PRKAR2A: variants seen among roughly 807,000 people sequenced by gnomAD.
PRKAR2A encodes cAMP-dependent protein kinase type II-alpha regulatory subunit.
A neutral mutation model predicts 51.9 loss-of-function variants in PRKAR2A; 29 were observed. The ratio of observed to expected loss-of-function variants is 0.56; its 90% CI spans 0.42 to 0.76. The LOEUF (loss-of-function observed/expected upper bound fraction) is 0.76. PRKAR2A is among the 30% of genes least tolerant of loss of function. The pLI is 0.00. For missense variants in PRKAR2A, 445 were observed against 512.1 expected (o/e 0.87, Z 1.26); for synonymous variants, 178 against 186.2 (o/e 0.96, Z 0.36).
chr3:48,821,303 C>T (rs1264257305), intron 1 of PRKAR2A, among the ~76,000 whole-genome samples: 1 of 152,176 alleles, frequency 6.6e-6, no homozygotes, highest in Non-Finnish European at 1.5e-5. Context: ...GCTGTAAAGA[C>T]CAGCTTTGCT....
chr3:48,777,134 T>C (rs1325258505), intron 5 of PRKAR2A, among the ~76,000 whole-genome samples: 2 of 152,092 alleles, frequency 1.3e-5, no homozygotes, highest in Non-Finnish European at 2.9e-5. Context: ...AATCCCACCT[T>C]CTAACCACCA....
chr3:48,766,397 A>C (rs1008146074), intron 6 of PRKAR2A, among the ~76,000 whole-genome samples: 1 of 151,428 alleles, frequency 6.6e-6, no homozygotes, highest in African/African-American at 2.4e-5. Context: ...GTGAAACCCC[A>C]TCTCTACAGA....
chr3:48,807,161 G>A (rs2082686823), intron 2 of PRKAR2A, among the ~76,000 whole-genome samples: 1 of 152,094 alleles, frequency 6.6e-6, no homozygotes, highest in African/African-American at 2.4e-5. Context: ...TTAAGATAAT[G>A]GTGGAAAAGA....
At chr3:48,835,533 C>T (rs1285150497) in intron 1 of PRKAR2A, among the ~76,000 whole-genome samples, 2 of 148,626 alleles carry the variant, frequency 1.3e-5, no homozygotes, top group South Asian at 2.2e-4. Context: ...CCCAGCTACT[C>T]GGGAGGCTGG....
chr3:48,804,152 G>A (rs1021173220), intron 2 of PRKAR2A, among the ~76,000 whole-genome samples: 2 of 151,992 alleles, frequency 1.3e-5, no homozygotes, highest in African/African-American at 4.8e-5. Context: ...AGTCGGTTTA[G>A]CAAAGCAAAT....
chr3:48,810,363 T>C (rs906624265), intron 1 of PRKAR2A, among the ~76,000 whole-genome samples: 3 of 152,128 alleles, frequency 2.0e-5, no homozygotes, highest in Admixed American at 6.6e-5. Flanking sequence ...TACTCAAAAA[T>C]ATAAAATAGC....
chr3:48,835,024 T>C (rs2083258092), intron 1 of PRKAR2A, among the ~76,000 whole-genome samples: 1 of 147,458 alleles, frequency 6.8e-6, no homozygotes, highest in African/African-American at 2.5e-5. Flanking sequence ...CAGGCTGGAG[T>C]GCAGTGGCAC....
At chr3:48,844,315 A>G (rs2083425452) in intron 1 of PRKAR2A, among the ~76,000 whole-genome samples, 1 of 151,772 alleles carries the variant, frequency 6.6e-6, no homozygotes, top group Admixed American at 6.6e-5. Context: ...TAGAATGGCA[A>G]TCATTAAAAA....
At chr3:48,751,758 A>G (rs1369876260) in intron 10 of PRKAR2A, 40 bp from the exon 11 acceptor site, 1 of 1,584,440 alleles carries the variant, frequency 6.3e-7, no homozygotes, top group Admixed American at 1.7e-5. Context: ...AATGAATTCA[A>G]GCCATTTCCC....
chr3:48,823,518 T>C (rs2083004676), intron 1 of PRKAR2A, among the ~76,000 whole-genome samples: 3 of 151,734 alleles, frequency 2.0e-5, no homozygotes, highest in South Asian at 2.1e-4. Flanking sequence ...AGAAGAAAAA[T>C]ACAGTTGGAG....
At chr3:48,760,835 C>CAAAAAAAAAA (rs538538946) in intron 8 of PRKAR2A, among the ~76,000 whole-genome samples, 2 of 64,316 alleles carry the variant, frequency 3.1e-5, no homozygotes, top group African/African-American at 6.6e-5. Context: ...AACTCCGTCT[C>CAAAAAAAAAA]AAAAAAAAAA....
intron 5 of PRKAR2A, among the ~76,000 whole-genome samples, chr3:48,773,651 T>C (rs563918561): frequency 6.6e-5 from 10 of 152,100 alleles, no homozygotes; most frequent in East Asian, 3.9e-4. Flanking sequence ...ATTTTCTACA[T>C]AGAGGATCAT....
chr3:48,746,213 C>T (rs2107173080), downstream of PRKAR2A, among the ~76,000 whole-genome samples: 1 of 152,022 alleles, frequency 6.6e-6, no homozygotes, highest in South Asian at 2.1e-4. Context: ...GAGCCAATTC[C>T]TTATAATAAA....
intron 1 of PRKAR2A, among the ~76,000 whole-genome samples, chr3:48,825,095 C>T (rs1409444342): frequency 3.2e-5 from 4 of 126,570 alleles, no homozygotes; most frequent in African/African-American, 1.2e-4. Flanking sequence ...AGTGCAATGG[C>T]GCAATCTCGG....
intron 1 of PRKAR2A, among the ~76,000 whole-genome samples, chr3:48,843,057 G>A (rs1313842464): frequency 6.6e-6 from 1 of 152,112 alleles, no homozygotes; most frequent in African/African-American, 2.4e-5. Context: ...ACTCTTTTTG[G>A]TTGGTAAGCT....
chr3:48,825,103 C>T (rs1173093724), intron 1 of PRKAR2A, among the ~76,000 whole-genome samples: 1 of 130,220 alleles, frequency 7.7e-6, no homozygotes, highest in East Asian at 2.4e-4. Flanking sequence ...GGCGCAATCT[C>T]GGCTCACCGT....
At chr3:48,836,956 C>A (rs1298284692) in intron 1 of PRKAR2A, among the ~76,000 whole-genome samples, 1 of 151,894 alleles carries the variant, frequency 6.6e-6, no homozygotes, top group East Asian at 1.9e-4. Context: ...CATGGTGAAA[C>A]CCCATCTCCA....
chr3:48,783,403 T>C (rs1274924093), intron 4 of PRKAR2A, among the ~76,000 whole-genome samples: 1 of 152,212 alleles, frequency 6.6e-6, no homozygotes, highest in Non-Finnish European at 1.5e-5. Flanking sequence ...GTCACCTGCC[T>C]GATGGCTCCA....
chr3:48,746,660 A>C lies in PRKAR2A; in HGVS notation c.*4925T>G, dbSNP rs994711032. The stretch of plus-strand genomic sequence containing the variant: ...CCTTAACAACAACAAAAAGAACATC[A>C]ACCTTGTTTATGGCAAACAGTGACT... On this transcript the variant is annotated 3_prime_UTR_variant, in exon 11 of 11. Coordinates refer to ENST00000265563, the MANE Select transcript of PRKAR2A (RefSeq NM_004157.4). 1 of 152,188 alleles carries C rather than the reference A, an allele frequency of 6.6e-6. No homozygotes were observed. The highest frequency in any genetic ancestry group is 1.5e-5 in the Non-Finnish European group (1 of 68,042). 9.4% of individuals were successfully genotyped at this position (152,188 alleles called of 1,614,324 possible). A position where few individuals can be genotyped will look rare whatever the true frequency, so the allele number is the denominator to read the frequency against.
Sources: gnomAD v4.1 joint callset for allele counts (sites outside exome capture counted in the v4.1 genomes callset) on GRCh38, gnomAD v4.1.1 for gene constraint, MANE v1.5 for transcripts, NCBI Gene and HGNC (gene_info 2026-07-23, HGNC 2026-07-21) for gene names.